DAAM1: variants seen among roughly 807,000 people sequenced by gnomAD.
DAAM1 encodes dishevelled associated activator of morphogenesis 1, also known as disheveled-associated activator of morphogenesis 1.
Under a neutral mutation model 130.0 loss-of-function variants are expected in DAAM1, and 52 were observed. That is an observed-to-expected ratio of 0.40 (90% CI 0.32 to 0.50). The LOEUF (loss-of-function observed/expected upper bound fraction) is 0.50. Ranked by LOEUF, DAAM1 falls within the 20% of genes least tolerant of loss-of-function variation. The pLI is 0.61. For synonymous variants in DAAM1, 452 were observed against 444.5 expected, an observed-to-expected ratio of 1.02 and a Z score of -0.21; for missense variants, 1,134 against 1,303.8, an observed-to-expected ratio of 0.87 and a Z score of 2.01.
intron 1 of DAAM1, among the ~76,000 whole-genome samples, chr14:59,212,276 T>C (rs555108789): frequency 6.4e-4 from 98 of 152,346 alleles, no homozygotes; most frequent in Non-Finnish European, 1.2e-3. Flanking sequence ...GGTCGGGAGT[T>C]ATAAACTTTT....
intron 2 of DAAM1, among the ~76,000 whole-genome samples, chr14:59,274,445 A>G (rs1182334537): frequency 6.6e-6 from 1 of 152,182 alleles, no homozygotes; most frequent in Non-Finnish European, 1.5e-5. Flanking sequence ...TCATATGAAT[A>G]ACTCATTGTG....
At chr14:59,203,207 A>G (rs1379757387) in intron 1 of DAAM1, among the ~76,000 whole-genome samples, 1 of 132,444 alleles carries the variant, frequency 7.6e-6, no homozygotes, top group Non-Finnish European at 1.6e-5. Flanking sequence ...ATGGGGTTTC[A>G]CCATATTAGC....
intron 23 of DAAM1, among the ~76,000 whole-genome samples, chr14:59,365,670 T>C (rs939897677): frequency 2.0e-5 from 3 of 152,054 alleles, no homozygotes; most frequent in African/African-American, 7.3e-5. Flanking sequence ...ATCAGAAGAA[T>C]CTAACAATAT....
intron 1 of DAAM1, among the ~76,000 whole-genome samples, chr14:59,229,061 A>G (rs1346972540): frequency 6.6e-6 from 1 of 152,244 alleles, no homozygotes; most frequent in African/African-American, 2.4e-5. Flanking sequence ...GCAAGCAAGT[A>G]TTAAAACTAA....
intron 1 of DAAM1, among the ~76,000 whole-genome samples, chr14:59,246,978 A>G (rs781431728): frequency 2.0e-5 from 3 of 152,130 alleles, no homozygotes; most frequent in African/African-American, 7.2e-5. Context: ...ATCCAATGTC[A>G]TAAAATTTTT....
intron 16 of DAAM1, among the ~76,000 whole-genome samples, chr14:59,346,138 T>TGGGG (rs36023292): frequency 8.4e-6 from 1 of 119,592 alleles, no homozygotes; most frequent in African/African-American, 3.1e-5. Flanking sequence ...CCCTTTTTTT[T>TGGGG]GGGGGGGGGG....
At position 59,330,664 on chromosome 14, in the gene DAAM1, A is replaced by G. The variant is rs200705042; in HGVS notation, c.1536A>G (p.Thr512=). Residue 512 remains threonine (T), a synonymous_variant, in exon 13 of 25, where the codon ACA becomes ACG. Coordinates refer to ENST00000360909, the MANE Select transcript of DAAM1 (RefSeq NM_001270520.2). ...TCAAGCAGCAGGTGGCGGACCTCAC[A>G]GCACAGCTCCATGAGCTCAGCAGGG... ...KQVKQQVADL[T]AQLHELSRRA... 1.7e-5 allele frequency: 28 copies of G among 1,612,844 alleles called. No homozygotes were observed. In the African/African-American group the frequency reaches 2.9e-4, roughly 17 times the overall value.
At chr14:59,233,854 G>T (rs1594771261) in intron 1 of DAAM1, among the ~76,000 whole-genome samples, 1 of 152,148 alleles carries the variant, frequency 6.6e-6, no homozygotes, top group Admixed American at 6.5e-5. Context: ...CATATGGCTA[G>T]CCAGTTTTCC....
chr14:59,201,956 A>G (rs1253466027), intron 1 of DAAM1, among the ~76,000 whole-genome samples: 11 of 152,322 alleles, frequency 7.2e-5, no homozygotes, highest in Admixed American at 6.5e-4. Flanking sequence ...AAGCTCTATT[A>G]TATTTTGGCA....
chr14:59,368,573 C>G, intron 24 of DAAM1, 77 bp from the exon 25 acceptor site: 2 of 1,428,288 alleles, frequency 1.4e-6, no homozygotes, highest in Non-Finnish European at 1.9e-6. Flanking sequence ...TACCATATTT[C>G]AAGGAATTGA....
At chr14:59,347,131 T>A (rs1242347834) in intron 16 of DAAM1, among the ~76,000 whole-genome samples, 1 of 152,190 alleles carries the variant, frequency 6.6e-6, no homozygotes, top group Non-Finnish European at 1.5e-5. Flanking sequence ...CTTCTCAAAA[T>A]CCATTCTTTA....
At chr14:59,340,219 A>G (rs1487794626) in intron 16 of DAAM1, 39 bp downstream of exon 16, 2 of 1,581,072 alleles carry the variant, frequency 1.3e-6, no homozygotes, top group East Asian at 2.3e-5. Flanking sequence ...AGTAGGACCA[A>G]CATTTCCATT....
intron 1 of DAAM1, among the ~76,000 whole-genome samples, chr14:59,202,736 T>C (rs372365969): frequency 5.9e-5 from 9 of 152,310 alleles, no homozygotes; most frequent in African/African-American, 2.2e-4. Context: ...GGCAGGTGCT[T>C]TCATGTTTTG....
chr14:59,266,140 T>G (rs939940054), intron 2 of DAAM1: 1 of 151,812 alleles, frequency 6.6e-6, no homozygotes, highest in African/African-American at 2.4e-5. Context: ...GAAAGTCTCT[T>G]GTTCAAGTTG....
intron 1 of DAAM1, among the ~76,000 whole-genome samples, chr14:59,253,111 C>T (rs1194218898): frequency 2.0e-5 from 3 of 152,140 alleles, no homozygotes; most frequent in Non-Finnish European, 2.9e-5. Flanking sequence ...ATTGTGTTTT[C>T]ATTGTAAACC....
At chr14:59,208,570 C>G (rs935426920) in intron 1 of DAAM1, among the ~76,000 whole-genome samples, 2 of 152,184 alleles carry the variant, frequency 1.3e-5, no homozygotes, top group African/African-American at 4.8e-5. Context: ...TGAGGGTTTT[C>G]ATGTCCTCTG....
chr14:59,316,592 T>C (rs1884804703), intron 4 of DAAM1, among the ~76,000 whole-genome samples: 1 of 152,202 alleles, frequency 6.6e-6, no homozygotes, highest in South Asian at 2.1e-4. Flanking sequence ...ATTCAAGGCA[T>C]CTCACACAAT....
intron 1 of DAAM1, among the ~76,000 whole-genome samples, chr14:59,201,033 T>C (rs771314759): frequency 6.6e-6 from 1 of 151,710 alleles, no homozygotes; most frequent in Non-Finnish European, 1.5e-5. Flanking sequence ...TGGTGGTGGG[T>C]GCCTGTAGTC....
chr14:59,286,910 G>A (rs1474491388), intron 2 of DAAM1, among the ~76,000 whole-genome samples: 2 of 152,104 alleles, frequency 1.3e-5, no homozygotes, highest in African/African-American at 2.4e-5. Flanking sequence ...AATTCAAAGA[G>A]AAGGGACTCC....
Sources: gnomAD v4.1 joint callset for allele counts (sites outside exome capture counted in the v4.1 genomes callset) on GRCh38, gnomAD v4.1.1 for gene constraint, MANE v1.5 for transcripts, NCBI Gene and HGNC (gene_info 2026-07-23, HGNC 2026-07-21) for gene names.